The following LHFPL3 variants were observed in gnomAD, a reference collection of about 807,000 sequenced individuals.
LHFPL3 encodes the protein LHFPL tetraspan subfamily member 3.
In LHFPL3, 5 loss-of-function variants were observed where a neutral mutation model predicts 19.3. The observed-to-expected ratio is 0.26, with a 90% CI of 0.14 to 0.54. LHFPL3 has a LOEUF of 0.54. Ranked by LOEUF, LHFPL3 falls within the 20% of genes least tolerant of loss-of-function variation. LHFPL3 has a pLI of 0.94. For synonymous variants in LHFPL3, 133 were observed against 126.2 expected (o/e 1.05, Z -0.36); for missense variants, 249 against 307.4 (o/e 0.81, Z 1.42).
intron 1 of LHFPL3, among the ~76,000 whole-genome samples, chr7:104,610,159 G>C (rs1369317597): frequency 6.6e-6 from 1 of 152,114 alleles, no homozygotes; most frequent in Non-Finnish European, 1.5e-5. Flanking sequence ...AAACTTTGGA[G>C]TAAATGTTGA....
At chr7:104,530,405 A>G (rs747590267) in intron 1 of LHFPL3, among the ~76,000 whole-genome samples, 5 of 152,192 alleles carry the variant, frequency 3.3e-5, no homozygotes, top group Non-Finnish European at 7.3e-5. Context: ...TATATTTCCA[A>G]TACACCCAGG....
intron 1 of LHFPL3, 38 bp downstream of exon 1, chr7:104,329,262 C>T (rs765486519): frequency 1.3e-6 from 2 of 1,552,982 alleles, no homozygotes; most frequent in South Asian, 2.5e-5. Context: ...CGGAGGACCC[C>T]GGGGCGCCCG....
intron 1 of LHFPL3, among the ~76,000 whole-genome samples, chr7:104,541,519 C>G (rs578133162): frequency 2.0e-5 from 3 of 152,012 alleles, no homozygotes; most frequent in African/African-American, 7.3e-5. Context: ...TGATGAGGCT[C>G]TCAAGTAAGG....
At chr7:104,772,581 G>C (rs565755643) in intron 2 of LHFPL3, among the ~76,000 whole-genome samples, 1 of 152,318 alleles carries the variant, frequency 6.6e-6, no homozygotes, top group East Asian at 1.9e-4. Context: ...CCAGGAAAGG[G>C]CAGGCTGCGC....
At chr7:104,354,101 T>G (rs1790227995) in intron 1 of LHFPL3, among the ~76,000 whole-genome samples, 1 of 152,246 alleles carries the variant, frequency 6.6e-6, no homozygotes, top group African/African-American at 2.4e-5. Flanking sequence ...TTAATTTCAG[T>G]AAATGGTATT....
intron 1 of LHFPL3, among the ~76,000 whole-genome samples, chr7:104,347,069 T>G (rs1008674984): frequency 1.3e-5 from 2 of 151,658 alleles, no homozygotes; most frequent in Non-Finnish European, 2.9e-5. Context: ...GGATTAAAAA[T>G]AGTACCTATC....
At chr7:104,709,456 A>C (rs1476862644) in intron 1 of LHFPL3, among the ~76,000 whole-genome samples, 2 of 131,954 alleles carry the variant, frequency 1.5e-5, no homozygotes, top group African/African-American at 2.6e-5. Context: ...GCTGCCTTCA[A>C]GCATCTGTTT....
intron 1 of LHFPL3, among the ~76,000 whole-genome samples, chr7:104,461,553 A>G (rs764115466): frequency 1.3e-5 from 2 of 152,048 alleles, no homozygotes; most frequent in Non-Finnish European, 2.9e-5. Flanking sequence ...ATTCTGTTCC[A>G]TTGGTCTATG....
intron 1 of LHFPL3, among the ~76,000 whole-genome samples, chr7:104,713,089 T>C (rs1273591300): frequency 6.6e-6 from 1 of 152,202 alleles, no homozygotes; most frequent in East Asian, 1.9e-4. Flanking sequence ...CTACTCTAGA[T>C]TGTTCTCAAT....
chr7:104,423,812 C>G (rs1272868921), intron 1 of LHFPL3, among the ~76,000 whole-genome samples: 2 of 151,514 alleles, frequency 1.3e-5, no homozygotes, highest in East Asian at 3.9e-4. Context: ...CTGCACTCAG[C>G]CTGGGTGAAA....
intron 1 of LHFPL3, among the ~76,000 whole-genome samples, chr7:104,675,924 C>A (rs780568439): frequency 6.6e-6 from 1 of 152,104 alleles, no homozygotes; most frequent in Non-Finnish European, 1.5e-5. Flanking sequence ...GGGCAAAGGG[C>A]AGATCTACAG....
rs964512409 is a variant in LHFPL3, at chr7:104,640,981, T to A, written c.446-95694T>A. 5.9e-5 allele frequency among the ~76,000 whole-genome samples: 9 copies of A among 152,222 alleles called. No individual in the cohort carries two copies. In the South Asian group the frequency reaches 1.2e-3, roughly 21 times the overall value. On this transcript the variant is annotated intron_variant, in intron 1 of 2. Transcript: ENST00000424859. ...ATGATTTTAGAAGACTATTTATCCC[T>A]CACATGCTGCTTTCTTAGGTTGACT...
chr7:104,906,478 ACGTTCATG>A lies in LHFPL3; in HGVS notation c.*264_*271del. 2.1e-6 allele frequency: 1 copy of A among 470,122 alleles called. No homozygotes were observed. 29.1% of individuals were successfully genotyped at this position (470,122 alleles called of 1,614,324 possible). On this transcript the variant is annotated 3_prime_UTR_variant, in exon 3 of 3. Transcript: ENST00000424859. ...GAAACTCATTGGATGAGATCAGAAA[ACGTTCATG>A]AAAAATCATATTCAGGAAATAAGGA...
intron 2 of LHFPL3, among the ~76,000 whole-genome samples, chr7:104,807,053 G>GTGTGTT (rs1232112495): frequency 6.9e-6 from 1 of 145,192 alleles, no homozygotes; most frequent in Non-Finnish European, 1.5e-5. Flanking sequence ...GTGTGTGTGT[G>GTGTGTT]TATTAGAGTC....
At chr7:104,770,720 T>C (rs1584525092) in intron 2 of LHFPL3, among the ~76,000 whole-genome samples, 1 of 152,132 alleles carries the variant, frequency 6.6e-6, no homozygotes, top group Non-Finnish European at 1.5e-5. Context: ...CTCAGAATCC[T>C]CCTCAACACA....
chr7:104,869,640 G>A (rs997674631), intron 2 of LHFPL3, among the ~76,000 whole-genome samples: 110 of 152,240 alleles, frequency 7.2e-4, no homozygotes, highest in Middle Eastern at 6.8e-3. Flanking sequence ...TACACTGTTG[G>A]TGGGACTGTA....
At chr7:104,758,319 G>T (rs1794320223) in intron 2 of LHFPL3, among the ~76,000 whole-genome samples, 1 of 152,146 alleles carries the variant, frequency 6.6e-6, no homozygotes, top group Admixed American at 6.6e-5. Context: ...ATATACCCAT[G>T]TAACAAACCT....
At chr7:104,855,558 C>G (rs568683276) in intron 2 of LHFPL3, among the ~76,000 whole-genome samples, 1 of 152,084 alleles carries the variant, frequency 6.6e-6, no homozygotes, top group Non-Finnish European at 1.5e-5. Context: ...CCTAGCTTAA[C>G]AATCCAAAAG....
intron 1 of LHFPL3, among the ~76,000 whole-genome samples, chr7:104,357,757 T>TTCCTCC (rs143282110): frequency 0.2 from 30,506 of 151,282 alleles, 3,167 homozygotes; most frequent in Middle Eastern, 0.3. Context: ...ATTTCTCCTC[T>TTCCTCC]TCCTCCTCCT....
Sources: allele counts gnomAD v4.1 joint callset (sites outside exome capture counted in the v4.1 genomes callset), GRCh38; gene constraint gnomAD v4.1.1; transcripts MANE v1.5; gene names NCBI Gene and HGNC (gene_info 2026-07-23, HGNC 2026-07-21).